GIGYF2: variants seen among roughly 807,000 people sequenced by gnomAD.
The protein encoded by GIGYF2 is GRB10 interacting GYF protein 2.
In GIGYF2, 25 loss-of-function variants were observed where a neutral mutation model predicts 208.1. The observed-to-expected ratio is 0.12, with a 90% CI of 0.09 to 0.17. The LOEUF (loss-of-function observed/expected upper bound fraction) is 0.17. GIGYF2 is among the 10% of genes least tolerant of loss of function. GIGYF2 has a pLI of 1.00. For missense variants in GIGYF2, 1,302 were observed against 1,579.4 expected (o/e 0.82, Z 2.98); for synonymous variants, 534 against 543.8 (o/e 0.98, Z 0.25).
intron 2 of GIGYF2, among the ~76,000 whole-genome samples, chr2:232,720,609 G>GT (rs1482831127): frequency 6.8e-6 from 1 of 148,132 alleles, no homozygotes; most frequent in South Asian, 2.1e-4. Context: ...TTGTTTGTTT[G>GT]TTTGAGACGG....
intron 6 of GIGYF2, among the ~76,000 whole-genome samples, chr2:232,756,740 CAG>C (rs1296609453): frequency 1.3e-5 from 2 of 152,166 alleles, no homozygotes; most frequent in Non-Finnish European, 2.9e-5. Context: ...CTTCTCCAGC[CAG>C]AGAGGGGCTT....
chr2:232,743,986 C>A (rs1001191351), intron 3 of GIGYF2, among the ~76,000 whole-genome samples: 1 of 152,056 alleles, frequency 6.6e-6, no homozygotes, highest in Non-Finnish European at 1.5e-5. Context: ...GCTGGGACTA[C>A]AGGCGTGCAC....
intron 8 of GIGYF2, among the ~76,000 whole-genome samples, chr2:232,761,878 CAA>C (rs568782396): frequency 9.3e-6 from 1 of 107,546 alleles, no homozygotes; most frequent in African/African-American, 3.5e-5. Context: ...GTGATGAGAA[CAA>C]AAAAAAAAAT....
intron 8 of GIGYF2, among the ~76,000 whole-genome samples, chr2:232,777,639 A>G (rs1378922004): frequency 6.9e-6 from 1 of 145,522 alleles, no homozygotes; most frequent in African/African-American, 2.6e-5. Context: ...CAATTTAAAA[A>G]ATATATTAAT....
At chr2:232,755,617 G>A (rs756657098) in intron 5 of GIGYF2, among the ~76,000 whole-genome samples, 1 of 152,150 alleles carries the variant, frequency 6.6e-6, no homozygotes. Context: ...CTGAGTGATT[G>A]GGTTTTACTT....
At chr2:232,812,788 G>A (rs536809792) in intron 18 of GIGYF2, among the ~76,000 whole-genome samples, 2 of 151,962 alleles carry the variant, frequency 1.3e-5, no homozygotes, top group East Asian at 1.9e-4. Flanking sequence ...TAGCCAGATC[G>A]GGAAAAAAAG....
intron 3 of GIGYF2, among the ~76,000 whole-genome samples, chr2:232,743,009 A>G (rs1698027049): frequency 6.6e-6 from 1 of 152,176 alleles, no homozygotes; most frequent in Non-Finnish European, 1.5e-5. Context: ...ACCTTCACAC[A>G]TTGTTTATTG....
chr2:232,824,843 ACT>A (rs567867882), intron 21 of GIGYF2, among the ~76,000 whole-genome samples: 313 of 152,258 alleles, frequency 2.1e-3, no homozygotes, highest in African/African-American at 6.8e-3. Context: ...GGACAGGCTG[ACT>A]CTCTTTTTAG....
chr2:232,836,308 ATATATATATATATATATAT>A (rs1701613469), intron 22 of GIGYF2, among the ~76,000 whole-genome samples: 23 of 21,584 alleles, frequency 1.1e-3, no homozygotes, highest in Admixed American at 2.2e-3. Context: ...ATATATATAT[ATATATATATATATATATAT>A]ATACATATAT....
chr2:232,794,849 C>T lies in GIGYF2; in HGVS notation c.1384C>T (p.Leu462Phe), dbSNP rs776893530. 8 of 1,613,712 alleles carry T rather than the reference C, an allele frequency of 5.0e-6. No homozygotes were observed. Among genetic ancestry groups the T allele is most frequent in the Non-Finnish European group, 6.8e-6 (8 of 1,179,704 alleles). ...TCCTGTTCCCAATCCTAGTCCTACT[C>T]TCCGGCCAGTTGAAACACCAGTTGT... ...PPPVPNPSPT[L>F]RPVETPVVGA... The change falls in exon 13 of 29, where the codon CTC becomes TTC. Residue 462 changes from leucine (L) to phenylalanine (F), a missense_variant. Leu to Phe is a conservative substitution (Grantham distance 22). Around this residue, in one of 8 missense-constraint regions of GIGYF2, gnomAD observed 235 missense variants for 218.8 expected, o/e 1.07. Transcript: ENST00000373563.
chr2:232,768,470 A>C, intron 8 of GIGYF2: 1 of 1,614,222 alleles, frequency 6.2e-7, no homozygotes, highest in Non-Finnish European at 8.5e-7. Context: ...AAAGGAATAC[A>C]ACTAATTCAA....
At chr2:232,757,177 C>T (rs772803711) in intron 6 of GIGYF2, among the ~76,000 whole-genome samples, 6 of 151,988 alleles carry the variant, frequency 3.9e-5, no homozygotes, top group Non-Finnish European at 5.9e-5. Flanking sequence ...AATTTATCTA[C>T]AGTCTCTCTA....
rs372364086 is a variant in GIGYF2, at chr2:232,760,454, A to G, written c.380-26A>G. The G allele has an allele frequency of 1.5e-5, 22 of 1,462,554 alleles. No homozygotes were observed. In the African/African-American group the frequency reaches 3.1e-4, roughly 20 times the overall value. 90.6% of individuals were successfully genotyped at this position (1,462,554 alleles called of 1,614,324 possible). ...TGCCACATGTTGACATCTGACTATC[A>G]TTTTTTTCTGTTTTCTTATTTTCAG... On this transcript the variant is annotated intron_variant, in intron 6 of 28. Transcript: ENST00000373563.
intron 4 of GIGYF2, among the ~76,000 whole-genome samples, chr2:232,748,720 C>T (rs2106313147): frequency 6.6e-6 from 1 of 152,278 alleles, no homozygotes; most frequent in East Asian, 1.9e-4. Flanking sequence ...TATTCCTCTA[C>T]TTTGTGCTCT....
In GIGYF2 at chr2:232,859,186, A is replaced by T. The variant is rs1486292948; in HGVS notation, c.*2326A>T. 6.6e-6 allele frequency: 1 copy of T among 151,932 alleles called. No individual in the cohort carries two copies. Among genetic ancestry groups the T allele is most frequent in the African/African-American group, 2.4e-5 (1 of 41,366 alleles). 9.4% of individuals were successfully genotyped at this position (151,932 alleles called of 1,614,324 possible). On this transcript the variant is annotated 3_prime_UTR_variant, in exon 29 of 29. Transcript: ENST00000373563. ...CATATTCTCATTTGCTCACCCTTTCACTTAGAGCCACCGTTTTCTCATCCC... is the reference window on the plus strand; with the variant it reads ...CATATTCTCATTTGCTCACCCTTTCTCTTAGAGCCACCGTTTTCTCATCCC...
intron 2 of GIGYF2, among the ~76,000 whole-genome samples, chr2:232,712,999 AGTTGT>A (rs551113967): frequency 3.2e-4 from 49 of 152,158 alleles, no homozygotes; most frequent in Non-Finnish European, 6.0e-4. Flanking sequence ...ACTACTAGCC[AGTTGT>A]GTCTGTTGAG....
At chr2:232,718,148 A>T (rs1475224682) in intron 2 of GIGYF2, among the ~76,000 whole-genome samples, 1 of 152,114 alleles carries the variant, frequency 6.6e-6, no homozygotes, top group African/African-American at 2.4e-5. Flanking sequence ...GTGCAGTGGC[A>T]AGATCTTGGC....
chr2:232,817,057 T>C, intron 20 of GIGYF2, 25 bp downstream of exon 20: 1 of 1,559,198 alleles, frequency 6.4e-7, no homozygotes, highest in South Asian at 1.1e-5. Context: ...ACTCTGACCA[T>C]AGGATTAGTG....
At chr2:232,817,111 A>T in intron 20 of GIGYF2, 79 bp downstream of exon 20, 1 of 1,056,054 alleles carries the variant, frequency 9.5e-7, no homozygotes, top group Non-Finnish European at 1.5e-6. Flanking sequence ...CATTTCACAG[A>T]TACTCCTGAA....
Sources: allele counts gnomAD v4.1 joint callset (sites outside exome capture counted in the v4.1 genomes callset), GRCh38; gene constraint gnomAD v4.1.1; regional missense constraint gnomAD v4.1.1; transcripts MANE v1.5; gene names NCBI Gene and HGNC (gene_info 2026-07-23, HGNC 2026-07-21).